Variants in PTPRD observed in about 807,000 individuals in gnomAD.
The protein encoded by PTPRD is receptor-type tyrosine-protein phosphatase delta.
A neutral mutation model predicts 214.5 loss-of-function variants in PTPRD; 34 were observed. The ratio of observed to expected loss-of-function variants is 0.16; its 90% CI spans 0.12 to 0.21. The LOEUF (loss-of-function observed/expected upper bound fraction) is 0.21, where lower values mean the gene tolerates loss of function less well. PTPRD is among the 10% of genes least tolerant of loss of function. The pLI, the probability that PTPRD is intolerant of heterozygous loss-of-function variation, is 1.00. For missense variants in PTPRD, 2,545 were observed against 2,398.7 expected, an observed-to-expected ratio of 1.06 and a Z score of -1.27; for synonymous variants, 1,128 against 845.7, an observed-to-expected ratio of 1.33 and a Z score of -5.79.
At chr9:8,333,871 G>A (rs1222725050) in intron 43 of PTPRD, among the ~76,000 whole-genome samples, 1 of 151,912 alleles carries the variant, frequency 6.6e-6, no homozygotes, top group Non-Finnish European at 1.5e-5. Flanking sequence ...AAAGAGCAGG[G>A]GTTGCAATCC....
In PTPRD at chr9:9,299,326, T is replaced by A. The variant is rs146790998; in HGVS notation, c.-203+98123A>T. Among the ~76,000 whole-genome samples, 126 of 151,814 alleles carry A rather than the reference T, an allele frequency of 8.3e-4. 1 individual carries two copies. Among genetic ancestry groups the A allele is most frequent in the Non-Finnish European group, 3.4e-4 (23 of 67,808 alleles). Reference sequence around the variant, plus strand: ...GCCCCCCAGAGGACATTTGGCAATGTCTGGTAACATATTTAATGATTTTCA... The same window carrying A: ...GCCCCCCAGAGGACATTTGGCAATGACTGGTAACATATTTAATGATTTTCA... On this transcript the variant is annotated intron_variant, in intron 9 of 45. Transcript: ENST00000381196.
At chr9:9,636,592 A>G (rs1311105556) in intron 7 of PTPRD, among the ~76,000 whole-genome samples, 2 of 152,320 alleles carry the variant, frequency 1.3e-5, no homozygotes, top group East Asian at 3.9e-4. Flanking sequence ...GATAGACACT[A>G]AAGGAGAAAC....
chr9:9,061,769 A>ACTAG (rs1373803000), intron 10 of PTPRD, among the ~76,000 whole-genome samples: 1 of 152,190 alleles, frequency 6.6e-6, no homozygotes, highest in African/African-American at 2.4e-5. Context: ...ACCCAGTGGC[A>ACTAG]CTAGCAGGTT....
intron 4 of PTPRD, among the ~76,000 whole-genome samples, chr9:10,023,539 T>C (rs1056170593): frequency 6.6e-6 from 1 of 152,230 alleles, no homozygotes; most frequent in African/African-American, 2.4e-5. Flanking sequence ...CAAATCTTTA[T>C]ATTCACTTGT....
intron 3 of PTPRD, among the ~76,000 whole-genome samples, chr9:10,243,336 T>C (rs769929179): frequency 2.8e-5 from 3 of 108,672 alleles, no homozygotes; most frequent in East Asian, 3.8e-4. Context: ...TTTCTTTTCA[T>C]ATTAAATGTT....
In PTPRD at chr9:9,522,479, A is replaced by G. The variant is rs1590643748; in HGVS notation, c.-237+52253T>C. Among the ~76,000 whole-genome samples the G allele has an allele frequency of 4.6e-5, 7 of 152,120 alleles. No homozygotes were observed. The South Asian group carries it at 1.4e-3, about 32-fold the overall frequency. The stretch of plus-strand genomic sequence containing the variant: ...TATAGTAAAAACTTGAAAGGACACT[A>G]CTGATGTGTTGACAGACAACCCCCA... On this transcript the variant is annotated intron_variant, in intron 8 of 45. Transcript: ENST00000381196.
intron 3 of PTPRD, among the ~76,000 whole-genome samples, chr9:10,138,216 A>T (rs911949747): frequency 1.3e-5 from 2 of 152,130 alleles, no homozygotes; most frequent in East Asian, 1.9e-4. Flanking sequence ...ATTACAACCT[A>T]TTCCACAGAA....
chr9:8,536,186 C>A (rs2076889688), intron 14 of PTPRD, among the ~76,000 whole-genome samples: 1 of 151,772 alleles, frequency 6.6e-6, no homozygotes, highest in Non-Finnish European at 1.5e-5. Flanking sequence ...TGTCATGTTT[C>A]CTCTATGCAA....
intron 2 of PTPRD, among the ~76,000 whole-genome samples, chr9:10,516,356 C>T (rs1282319748): frequency 1.3e-5 from 2 of 151,790 alleles, no homozygotes; most frequent in East Asian, 1.9e-4. Context: ...TATCTGTTAG[C>T]CATTTTTATG....
intron 8 of PTPRD, among the ~76,000 whole-genome samples, chr9:9,564,328 T>C (rs1489981205): frequency 6.6e-6 from 1 of 152,094 alleles, no homozygotes; most frequent in East Asian, 1.9e-4. Flanking sequence ...TCTCCAAATT[T>C]TCATCAGTTG....
chr9:9,485,323 A>G (rs2095581740), intron 8 of PTPRD, among the ~76,000 whole-genome samples: 1 of 152,244 alleles, frequency 6.6e-6, no homozygotes, highest in Non-Finnish European at 1.5e-5. Context: ...TAGGCTTTAG[A>G]GTACTAAATT....
intron 39 of PTPRD, among the ~76,000 whole-genome samples, chr9:8,374,990 A>C (rs1589006798): frequency 6.6e-6 from 1 of 151,936 alleles, no homozygotes; most frequent in Admixed American, 6.6e-5. Flanking sequence ...GATGGTATTA[A>C]GTCACGATAG....
intron 2 of PTPRD, among the ~76,000 whole-genome samples, chr9:10,368,369 G>A (rs1465788109): frequency 6.6e-6 from 1 of 152,094 alleles, no homozygotes; most frequent in African/African-American, 2.4e-5. Flanking sequence ...CTTTGCTAGA[G>A]ACAGTGATGA....
intron 5 of PTPRD, chr9:9,799,676 A>C (rs1266320695): frequency 6.6e-6 from 1 of 152,168 alleles, no homozygotes; most frequent in Admixed American, 6.5e-5. Flanking sequence ...AACAATAAAA[A>C]GGGGGGTAAG....
intron 5 of PTPRD, among the ~76,000 whole-genome samples, chr9:9,842,874 A>T (rs923539005): frequency 1.3e-5 from 2 of 152,068 alleles, no homozygotes; most frequent in Admixed American, 6.6e-5. Context: ...TAATTAGAAC[A>T]GTAGTACTTG....
chr9:9,891,282 C>T (rs1248684833), intron 5 of PTPRD, among the ~76,000 whole-genome samples: 1 of 151,994 alleles, frequency 6.6e-6, no homozygotes, highest in East Asian at 1.9e-4. Flanking sequence ...CAATAAACTC[C>T]CAATTATTTT....
At chr9:9,562,734 T>C (rs766843905) in intron 8 of PTPRD, among the ~76,000 whole-genome samples, 7 of 152,208 alleles carry the variant, frequency 4.6e-5, no homozygotes, top group Non-Finnish European at 7.3e-5. Flanking sequence ...ATAATTCAAC[T>C]CTAAGCATCC....
At chr9:9,765,100 G>C (rs1349474092) in intron 6 of PTPRD, among the ~76,000 whole-genome samples, 1 of 151,870 alleles carries the variant, frequency 6.6e-6, no homozygotes, top group Non-Finnish European at 1.5e-5. Flanking sequence ...ATTTTCTTTG[G>C]ATATTCTAAA....
intron 26 of PTPRD, among the ~76,000 whole-genome samples, chr9:8,496,211 A>ACACACAAAC (rs1554641959): frequency 1.9e-4 from 17 of 91,516 alleles, no homozygotes; most frequent in African/African-American, 6.2e-4. Context: ...CACACACACA[A>ACACACAAAC]ACACACACAC....
Sources: gnomAD v4.1 joint callset for allele counts (sites outside exome capture counted in the v4.1 genomes callset) on GRCh38, gnomAD v4.1.1 for gene constraint, MANE v1.5 for transcripts, NCBI Gene and HGNC (gene_info 2026-07-23, HGNC 2026-07-21) for gene names.